SLC22A15: variants seen among roughly 807,000 people sequenced by gnomAD.
SLC22A15 encodes solute carrier family 22 member 15.
A neutral mutation model predicts 62.7 loss-of-function variants in SLC22A15; 45 were observed. The ratio of observed to expected loss-of-function variants is 0.72; its 90% CI spans 0.56 to 0.92. The LOEUF (loss-of-function observed/expected upper bound fraction) is 0.92, where lower values mean the gene tolerates loss of function less well. SLC22A15 is among the 40% of genes least tolerant of loss of function. The probability of loss-of-function intolerance (pLI) is 0.00; values close to 1 mark genes in which losing one functional copy is unlikely to be tolerated. For synonymous variants in SLC22A15, 264 were observed against 267.0 expected (o/e 0.99, Z 0.11); for missense variants, 622 against 665.6 (o/e 0.93, Z 0.72).
chr1:116,025,537 C>T (rs1015718221), intron 4 of SLC22A15, among the ~76,000 whole-genome samples: 2 of 152,138 alleles, frequency 1.3e-5, no homozygotes, highest in African/African-American at 4.8e-5. Context: ...TCAAAGAAAA[C>T]ACATGTGTTA....
At chr1:116,060,780 GAC>G (rs1483098514) in intron 8 of SLC22A15, among the ~76,000 whole-genome samples, 1 of 152,134 alleles carries the variant, frequency 6.6e-6, no homozygotes, top group Non-Finnish European at 1.5e-5. Context: ...AATGCTGAAA[GAC>G]ATGATTCTTT....
At chr1:115,988,025 CA>C (rs957366512) in intron 1 of SLC22A15, among the ~76,000 whole-genome samples, 1 of 152,122 alleles carries the variant, frequency 6.6e-6, no homozygotes, top group Non-Finnish European at 1.5e-5. Context: ...TAAAAACCTT[CA>C]CTTCTTGAAA....
At chr1:116,020,118 G>A (rs751559550) in intron 3 of SLC22A15, among the ~76,000 whole-genome samples, 27 of 152,058 alleles carry the variant, frequency 1.8e-4, no homozygotes, top group Non-Finnish European at 3.2e-4. Flanking sequence ...GACAAGCTGA[G>A]TATGAGCAAG....
At chr1:115,981,074 G>C (rs1570679600) in intron 1 of SLC22A15, among the ~76,000 whole-genome samples, 1 of 152,216 alleles carries the variant, frequency 6.6e-6, no homozygotes, top group Non-Finnish European at 1.5e-5. Context: ...TTCCCTATCT[G>C]CTTATACGTG....
intron 7 of SLC22A15, among the ~76,000 whole-genome samples, chr1:116,035,672 C>T (rs2101469149): frequency 6.6e-6 from 1 of 152,056 alleles, no homozygotes; most frequent in East Asian, 1.9e-4. Context: ...GTAGATGAAA[C>T]TCTATAAACC....
chr1:116,054,874 A>G (rs1419244508), intron 8 of SLC22A15, among the ~76,000 whole-genome samples: 1 of 152,052 alleles, frequency 6.6e-6, no homozygotes, highest in African/African-American at 2.4e-5. Flanking sequence ...AAGACACAAC[A>G]TACCAGAATC....
chr1:116,047,567 A>G (rs1657958172), intron 8 of SLC22A15, among the ~76,000 whole-genome samples: 1 of 152,170 alleles, frequency 6.6e-6, no homozygotes, highest in African/African-American at 2.4e-5. Context: ...CTCTATAGAG[A>G]CAACCCCCAG....
intron 1 of SLC22A15, among the ~76,000 whole-genome samples, chr1:115,978,105 T>G (rs574421524): frequency 5.7e-4 from 87 of 152,326 alleles, no homozygotes; most frequent in Non-Finnish European, 7.1e-4. Context: ...GCCTGATCTT[T>G]ATTTATAACA....
intron 8 of SLC22A15, among the ~76,000 whole-genome samples, chr1:116,055,899 C>T (rs1340465920): frequency 1.3e-4 from 20 of 149,110 alleles, no homozygotes; most frequent in Admixed American, 4.0e-4. Flanking sequence ...ATTGATGGGA[C>T]GTATCTCAAA....
intron 8 of SLC22A15, among the ~76,000 whole-genome samples, chr1:116,040,344 TA>T (rs1657744835): frequency 6.6e-6 from 1 of 152,360 alleles, no homozygotes; most frequent in South Asian, 2.1e-4. Context: ...TCAGACATTT[TA>T]CCTGAACTCT....
At chr1:116,054,787 C>A (rs1384306348) in intron 8 of SLC22A15, among the ~76,000 whole-genome samples, 1 of 152,156 alleles carries the variant, frequency 6.6e-6, no homozygotes, top group Non-Finnish European at 1.5e-5. Context: ...AACTGAGCAA[C>A]CTGCTCCCGA....
chr1:116,052,309 T>C (rs1189015576), intron 8 of SLC22A15, among the ~76,000 whole-genome samples: 1 of 152,200 alleles, frequency 6.6e-6, no homozygotes, highest in Non-Finnish European at 1.5e-5. Flanking sequence ...CACAGCAGTC[T>C]GAGATCCAAC....
At chr1:116,065,436 G>A (rs1394140847) in intron 10 of SLC22A15, among the ~76,000 whole-genome samples, 1 of 152,132 alleles carries the variant, frequency 6.6e-6, no homozygotes, top group Non-Finnish European at 1.5e-5. Context: ...ACTTTGGATA[G>A]CTATCCTACA....
intron 3 of SLC22A15, 95 bp downstream of exon 3, chr1:116,019,809 C>A: frequency 7.6e-7 from 1 of 1,322,270 alleles, no homozygotes; most frequent in African/African-American, 1.5e-5. Context: ...TAAGGTTCTC[C>A]GGGAATTGGC....
At chr1:116,066,781 A>G (rs1480678778) in intron 11 of SLC22A15, 73 bp downstream of exon 11, 4 of 1,402,730 alleles carry the variant, frequency 2.9e-6, no homozygotes, top group Non-Finnish European at 3.8e-6. Flanking sequence ...TTTGCGTTAA[A>G]TTAAATAGAA....
At chr1:116,040,923 C>G (rs6690998) in intron 8 of SLC22A15, among the ~76,000 whole-genome samples, 2,422 of 152,244 alleles carry the variant, frequency 0.016, 82 homozygotes, top group African/African-American at 0.055. Context: ...GTTTTAGAAC[C>G]AAAGTATTCG....
At chr1:116,056,270 T>A (rs1161207956) in intron 8 of SLC22A15, among the ~76,000 whole-genome samples, 95 of 149,344 alleles carry the variant, frequency 6.4e-4, no homozygotes, top group African/African-American at 2.2e-3. Flanking sequence ...TAACAGACAA[T>A]CAGAGAGCCA....
intron 6 of SLC22A15, among the ~76,000 whole-genome samples, chr1:116,033,122 G>A (rs998346798): frequency 6.6e-6 from 1 of 152,142 alleles, no homozygotes; most frequent in Non-Finnish European, 1.5e-5. Context: ...TTTTGAAGAT[G>A]CTATAAAATT....
At chr1:115,988,893 A>G (rs1427511139) in intron 1 of SLC22A15, among the ~76,000 whole-genome samples, 2 of 152,122 alleles carry the variant, frequency 1.3e-5, no homozygotes, top group Non-Finnish European at 2.9e-5. Flanking sequence ...CTAATTTCTC[A>G]TAGTACCCCT....
Sources: gnomAD v4.1 joint callset for allele counts (sites outside exome capture counted in the v4.1 genomes callset) on GRCh38, gnomAD v4.1.1 for gene constraint, MANE v1.5 for transcripts, NCBI Gene and HGNC (gene_info 2026-07-23, HGNC 2026-07-21) for gene names.